The following ARHGEF7 variants were observed in gnomAD, a reference collection of about 807,000 sequenced individuals.
ARHGEF7 encodes the protein Rho guanine nucleotide exchange factor 7.
A neutral mutation model predicts 109.8 loss-of-function variants in ARHGEF7; 33 were observed. That is an observed-to-expected ratio of 0.30 (90% CI 0.23 to 0.40). The LOEUF (loss-of-function observed/expected upper bound fraction) is 0.40. Ranked by LOEUF, ARHGEF7 falls within the 10% of genes least tolerant of loss-of-function variation. The pLI, the probability that ARHGEF7 is intolerant of heterozygous loss-of-function variation, is 1.00. For missense variants in ARHGEF7, 938 were observed against 1,098.5 expected, an observed-to-expected ratio of 0.85 and a Z score of 2.07; for synonymous variants, 458 against 424.6, an observed-to-expected ratio of 1.08 and a Z score of -0.97.
intron 18 of ARHGEF7, among the ~76,000 whole-genome samples, chr13:111,291,487 G>A (rs1001228724): frequency 2.6e-4 from 40 of 152,370 alleles, no homozygotes; most frequent in Admixed American, 2.0e-3. Context: ...GGGTTCTGGG[G>A]CTGTGGGCCC....
At position 111,149,483 on chromosome 13, in the gene ARHGEF7, G is replaced by C. The variant is rs191220582; in HGVS notation, c.166-4422G>C. 4.0e-3 allele frequency among the ~76,000 whole-genome samples: 614 copies of C among 152,298 alleles called. 2 individuals carry two copies. The highest frequency in any genetic ancestry group is 9.4e-3 in the Admixed American group (144 of 15,304). On this transcript the variant is annotated intron_variant, in intron 1 of 21. Coordinates refer to ENST00000646102, the MANE Select transcript of ARHGEF7 (RefSeq NM_001354046.2). ...TAGTTATGTTCTAGAAAGTTACCTT[G>C]ATCATTGAATTACTGACAAATGCAA...
intron 18 of ARHGEF7, 128 bp downstream of exon 18, chr13:111,288,571 G>A (rs2093128350): frequency 3.7e-6 from 2 of 540,700 alleles, no homozygotes; most frequent in Non-Finnish European, 3.1e-6. Context: ...AGTGAGTGAT[G>A]TTTCAGTCAG....
chr13:111,227,335 G>T lies in ARHGEF7; in HGVS notation c.671-5870G>T, dbSNP rs563552692. The stretch of plus-strand genomic sequence containing the variant: ...AAATCTTTCATGAAAGGAAGAATCA[G>T]TTGATACTGGCACACTTCATTGTCT... On this transcript the variant is annotated intron_variant, in intron 5 of 21. Transcript: ENST00000646102. Among the ~76,000 whole-genome samples, 7 of 152,296 alleles carry T rather than the reference G, an allele frequency of 4.6e-5. No homozygotes were observed. In the South Asian group the frequency reaches 1.5e-3, roughly 32 times the overall value.
intron 6 of ARHGEF7, among the ~76,000 whole-genome samples, chr13:111,234,287 C>G (rs1435395150): frequency 6.6e-6 from 1 of 152,156 alleles, no homozygotes; most frequent in Non-Finnish European, 1.5e-5. Flanking sequence ...GCAGCTCCAC[C>G]ACGTGGAGCT....
intron 1 of ARHGEF7, among the ~76,000 whole-genome samples, chr13:111,132,270 T>C (rs965584172): frequency 2.6e-5 from 4 of 152,202 alleles, no homozygotes; most frequent in Admixed American, 6.5e-5. Flanking sequence ...AAGTGTTGCG[T>C]TGAGCCTGAA....
chr13:111,131,889 C>T lies in ARHGEF7; in HGVS notation c.165+16198C>T, dbSNP rs556935707. On this transcript the variant is annotated intron_variant, in intron 1 of 21. Transcript: ENST00000646102. This position sits in a 1 kb window ranked among gnomAD's most constrained non-coding sequence, Gnocchi z 4.4. ...GACTGAAGAGGGGGCTGGGAGGGAG[C>T]CTGGCAGTCGCAGAGGGGAGTGGAA... Among the ~76,000 whole-genome samples, 8 of 152,136 alleles carry T rather than the reference C, an allele frequency of 5.3e-5. No individual in the cohort carries two copies. In the South Asian group the frequency reaches 1.7e-3, roughly 32 times the overall value.
intron 1 of ARHGEF7, among the ~76,000 whole-genome samples, chr13:111,115,954 C>G (rs1189964955): frequency 6.6e-6 from 1 of 151,824 alleles, no homozygotes; most frequent in African/African-American, 2.4e-5. Flanking sequence ...GGAGAGTGCA[C>G]CGCAGCGAGG....
chr13:111,176,608 G>A (rs1252975936), intron 2 of ARHGEF7, among the ~76,000 whole-genome samples: 2 of 152,170 alleles, frequency 1.3e-5, no homozygotes, highest in Non-Finnish European at 2.9e-5. Flanking sequence ...CATCAGGTAG[G>A]GTCATGTCCA....
intron 5 of ARHGEF7, among the ~76,000 whole-genome samples, chr13:111,219,792 T>C (rs1427975114): frequency 2.6e-5 from 4 of 152,340 alleles, no homozygotes; most frequent in African/African-American, 9.6e-5. Context: ...CTGCTTGTTA[T>C]GTTCCAGTTA....
At chr13:111,170,544 A>G (rs72670033) in intron 2 of ARHGEF7, among the ~76,000 whole-genome samples, 2,786 of 152,314 alleles carry the variant, frequency 0.018, 27 homozygotes, top group Non-Finnish European at 0.029. Context: ...TACTGGCGTT[A>G]TCAACGGCCT....
chr13:111,238,875 G>A (rs866535163), intron 6 of ARHGEF7, among the ~76,000 whole-genome samples: 3 of 152,110 alleles, frequency 2.0e-5, no homozygotes, highest in Non-Finnish European at 2.9e-5. Flanking sequence ...GTATTAGTCC[G>A]TTCTCACGCT....
rs898963667 is a variant in ARHGEF7, at chr13:111,286,639, G to T, written c.2044+399G>T. On this transcript the variant is annotated intron_variant, in intron 17 of 21. Transcript: ENST00000646102. Reference sequence around the variant, plus strand: ...CGTGACCTGCTGTGTTCTCCTGTGGGTAGCACCCACCCGTGCTGTTCTCTT... The same window carrying T: ...CGTGACCTGCTGTGTTCTCCTGTGGTTAGCACCCACCCGTGCTGTTCTCTT... 7.2e-5 allele frequency among the ~76,000 whole-genome samples: 11 copies of T among 152,244 alleles called. No individual in the cohort carries two copies. The East Asian group carries it at 2.1e-3, about 30-fold the overall frequency.
chr13:111,153,175 C>T (rs957710356), intron 1 of ARHGEF7, among the ~76,000 whole-genome samples: 1 of 152,254 alleles, frequency 6.6e-6, no homozygotes, highest in Non-Finnish European at 1.5e-5. Context: ...TCTCCATGAG[C>T]CTAGGCTAGA....
chr13:111,206,174 C>G (rs1225926475), intron 3 of ARHGEF7, among the ~76,000 whole-genome samples: 3 of 151,694 alleles, frequency 2.0e-5, no homozygotes, highest in Non-Finnish European at 4.4e-5. Flanking sequence ...CCTTTTCAAA[C>G]AGAAACCTCC....
At chr13:111,284,573 G>A (rs1199681358) in intron 16 of ARHGEF7, among the ~76,000 whole-genome samples, 1 of 152,204 alleles carries the variant, frequency 6.6e-6, no homozygotes, top group Non-Finnish European at 1.5e-5. Context: ...GGATAAAACT[G>A]TTGGGCAAAG....
At chr13:111,246,843 G>A (rs1449489160) in intron 8 of ARHGEF7, among the ~76,000 whole-genome samples, 1 of 152,266 alleles carries the variant, frequency 6.6e-6, no homozygotes, top group Non-Finnish European at 1.5e-5. Flanking sequence ...AATTATTACA[G>A]TATATTTTAA....
intron 2 of ARHGEF7, among the ~76,000 whole-genome samples, chr13:111,197,256 A>C (rs2080638763): frequency 6.6e-6 from 1 of 151,762 alleles, no homozygotes; most frequent in Non-Finnish European, 1.5e-5. Context: ...CCTCTTGCCC[A>C]AGAACCCTGG....
intron 8 of ARHGEF7, among the ~76,000 whole-genome samples, chr13:111,252,719 C>G (rs2153561374): frequency 6.6e-6 from 1 of 152,218 alleles, no homozygotes; most frequent in Non-Finnish European, 1.5e-5. Context: ...CTCATTTTAT[C>G]CTTTAAAGGA....
chr13:111,286,326 G>A, intron 17 of ARHGEF7, 86 bp downstream of exon 17: 2 of 1,153,494 alleles, frequency 1.7e-6, no homozygotes, highest in Non-Finnish European at 2.6e-6. Flanking sequence ...GAGGCTTGGT[G>A]GCTTTCTGAA....
Sources: allele counts gnomAD v4.1 joint callset (sites outside exome capture counted in the v4.1 genomes callset), GRCh38; gene constraint gnomAD v4.1.1; non-coding constraint Gnocchi (gnomAD v3.1); transcripts MANE v1.5; gene names NCBI Gene and HGNC (gene_info 2026-07-23, HGNC 2026-07-21).